Variants in TIAM1 observed in about 807,000 individuals in gnomAD.
TIAM1 encodes rho guanine nucleotide exchange factor TIAM1.
Under a neutral mutation model 163.5 loss-of-function variants are expected in TIAM1, and 65 were observed. The observed-to-expected ratio is 0.40, with a 90% confidence interval of 0.33 to 0.49. The LOEUF (loss-of-function observed/expected upper bound fraction) is 0.49. Ranked by LOEUF, TIAM1 falls within the 20% of genes least tolerant of loss-of-function variation. The pLI is 0.77. For missense variants in TIAM1, 1,789 were observed against 2,044.7 expected (o/e 0.87, Z 2.41); for synonymous variants, 833 against 810.1 (o/e 1.03, Z -0.48).
chr21:31,363,193 G>A (rs2076436272), intron 2 of TIAM1, among the ~76,000 whole-genome samples: 1 of 152,116 alleles, frequency 6.6e-6, no homozygotes, highest in African/African-American at 2.4e-5. Flanking sequence ...CCATGCTTCT[G>A]TTTGGTTCAA....
intron 1 of TIAM1, among the ~76,000 whole-genome samples, chr21:31,539,264 G>A (rs1308201760): frequency 7.3e-6 from 1 of 136,482 alleles, no homozygotes; most frequent in African/African-American, 3.0e-5. Context: ...GAGGGAATGG[G>A]TTACTCTTTT....
chr21:31,231,358 T>C (rs1175596842), intron 6 of TIAM1, among the ~76,000 whole-genome samples: 1 of 152,170 alleles, frequency 6.6e-6, no homozygotes, highest in African/African-American at 2.4e-5. Flanking sequence ...TAACGGAGTC[T>C]GTGTAGTGCA....
intron 5 of TIAM1, among the ~76,000 whole-genome samples, chr21:31,250,361 C>A (rs2071734513): frequency 6.6e-6 from 1 of 152,138 alleles, no homozygotes; most frequent in African/African-American, 2.4e-5. Context: ...GCACATGCAG[C>A]AAAACCTATA....
At chr21:31,169,934 A>G (rs1251347062) in intron 15 of TIAM1, among the ~76,000 whole-genome samples, 1 of 152,214 alleles carries the variant, frequency 6.6e-6, no homozygotes. Context: ...GAAATAGATT[A>G]TACAGGTTGA....
chr21:31,164,173 G>A (rs1331698206), intron 16 of TIAM1, among the ~76,000 whole-genome samples: 5 of 152,238 alleles, frequency 3.3e-5, no homozygotes, highest in Admixed American at 6.5e-5. Flanking sequence ...GGTGGATCAC[G>A]AGGTCAGGAG....
intron 1 of TIAM1, among the ~76,000 whole-genome samples, chr21:31,465,184 C>T (rs1337521833): frequency 2.0e-5 from 3 of 151,564 alleles, no homozygotes; most frequent in Non-Finnish European, 4.4e-5. Flanking sequence ...CCAGCCTGGG[C>T]GACAGAGCAA....
At chr21:31,518,126 T>G (rs1432905723) in intron 1 of TIAM1, among the ~76,000 whole-genome samples, 1 of 152,124 alleles carries the variant, frequency 6.6e-6, no homozygotes, top group African/African-American at 2.4e-5. Context: ...AGGAAAAAGA[T>G]CTCCCTCTCT....
chr21:31,431,579 T>G (rs758563702), intron 2 of TIAM1, among the ~76,000 whole-genome samples: 1 of 152,234 alleles, frequency 6.6e-6, no homozygotes, highest in African/African-American at 2.4e-5. Flanking sequence ...TTTTATTTAT[T>G]TTACTTTTTA....
At chr21:31,412,563 C>A (rs572836077) in intron 2 of TIAM1, among the ~76,000 whole-genome samples, 1 of 151,978 alleles carries the variant, frequency 6.6e-6, no homozygotes, top group Non-Finnish European at 1.5e-5. Context: ...AGGTGGATCA[C>A]CTGGGGTCAG....
chr21:31,253,391 C>G (rs1469785932), intron 4 of TIAM1, among the ~76,000 whole-genome samples: 1 of 152,186 alleles, frequency 6.6e-6, no homozygotes, highest in Non-Finnish European at 1.5e-5. Flanking sequence ...AATGAATGCT[C>G]TGGGCTCCTA....
At chr21:31,502,549 G>A (rs1477323944) in intron 1 of TIAM1, among the ~76,000 whole-genome samples, 1 of 152,160 alleles carries the variant, frequency 6.6e-6, no homozygotes, top group Non-Finnish European at 1.5e-5. Flanking sequence ...CACCAAGCAT[G>A]AGGAAAATGG....
chr21:31,493,228 G>A (rs575076036), intron 1 of TIAM1, among the ~76,000 whole-genome samples: 1 of 152,206 alleles, frequency 6.6e-6, no homozygotes, highest in Admixed American at 6.5e-5. Context: ...GAGAAATGAG[G>A]GAAAGCATGA....
intron 4 of TIAM1, among the ~76,000 whole-genome samples, chr21:31,261,163 G>A (rs376703497): frequency 8.8e-4 from 134 of 152,152 alleles, no homozygotes; most frequent in African/African-American, 3.0e-3. Flanking sequence ...AAGCAGCCGT[G>A]AGGGATGGCT....
intron 2 of TIAM1, chr21:31,452,748 C>G (rs2044915487): frequency 8.2e-6 from 4 of 487,598 alleles, no homozygotes; most frequent in Non-Finnish European, 1.6e-5. Context: ...AAAGTCACTG[C>G]AAAAAGTAGA....
intron 22 of TIAM1, among the ~76,000 whole-genome samples, chr21:31,139,136 T>C (rs2082735105): frequency 6.6e-6 from 1 of 152,234 alleles, no homozygotes; most frequent in South Asian, 2.1e-4. Flanking sequence ...ATATTCCCTT[T>C]TACAGTCTCT....
chr21:31,536,105 G>C (rs62222872), intron 1 of TIAM1, among the ~76,000 whole-genome samples: 12 of 152,298 alleles, frequency 7.9e-5, no homozygotes, highest in African/African-American at 2.6e-4. Context: ...GAGGCCGGGG[G>C]TTGATGCTTC....
chr21:31,274,976 G>A (rs2146851383), intron 3 of TIAM1, among the ~76,000 whole-genome samples: 1 of 151,590 alleles, frequency 6.6e-6, no homozygotes, highest in East Asian at 1.9e-4. Context: ...TGGGTGTGGT[G>A]GGGGCGGGGG....
At chr21:31,173,641 A>C (rs2084628243) in intron 15 of TIAM1, among the ~76,000 whole-genome samples, 1 of 152,190 alleles carries the variant, frequency 6.6e-6, no homozygotes, top group Non-Finnish European at 1.5e-5. Context: ...ACAAAATCTC[A>C]GTTTTTGTTT....
At chr21:31,439,346 G>A (rs1342665096) in intron 2 of TIAM1, among the ~76,000 whole-genome samples, 6 of 152,210 alleles carry the variant, frequency 3.9e-5, no homozygotes, top group Admixed American at 3.3e-4. Context: ...CTGGAGTGCA[G>A]TGGCACGATC....
Sources: gnomAD v4.1 joint callset for allele counts (sites outside exome capture counted in the v4.1 genomes callset) on GRCh38, gnomAD v4.1.1 for gene constraint, MANE v1.5 for transcripts, NCBI Gene and HGNC (gene_info 2026-07-23, HGNC 2026-07-21) for gene names.